The following POLR3E variants were observed in gnomAD, a reference collection of about 807,000 sequenced individuals.
The protein encoded by POLR3E is DNA-directed RNA polymerase III subunit RPC5.
POLR3E carries 41 observed loss-of-function variants against 96.6 expected under a neutral mutation model. The ratio of observed to expected loss-of-function variants is 0.42; its 90% confidence interval spans 0.33 to 0.55. The LOEUF (loss-of-function observed/expected upper bound fraction) is 0.55. Ranked by LOEUF, POLR3E falls within the 20% of genes least tolerant of loss-of-function variation. POLR3E has a pLI of 0.06. For missense variants in POLR3E, 849 were observed against 952.1 expected (o/e 0.89, Z 1.43); for synonymous variants, 396 against 383.6 (o/e 1.03, Z -0.38).
Position 22,308,130 on chromosome 16 carries a change from C to G in POLR3E, c.88-18C>G. On this transcript the variant is annotated intron_variant, in intron 3 of 20. Coordinates refer to ENST00000299853, the MANE Select transcript of POLR3E (RefSeq NM_018119.4). Reference sequence around the variant, plus strand: ...TGGCTGGGCAGAGTGGACTTAATGGCTCCCTTCCCCTCCCCAGTACCCTGT... The same window carrying G: ...TGGCTGGGCAGAGTGGACTTAATGGGTCCCTTCCCCTCCCCAGTACCCTGT... The G allele has an allele frequency of 2.5e-6, 4 of 1,601,108 alleles. No homozygotes were observed. Among genetic ancestry groups the G allele is most frequent in the Non-Finnish European group, 2.6e-6 (3 of 1,168,284 alleles).
rs776186132 is a variant in POLR3E at position 22,309,051 on chromosome 16, G to C, written c.281+11G>C. 6.3e-7 allele frequency: 1 copy of C among 1,591,128 alleles called. No homozygotes were observed. The highest frequency in any genetic ancestry group is 1.1e-5 in the South Asian group (1 of 90,462). On this transcript the variant is annotated intron_variant, in intron 5 of 20. Transcript: ENST00000299853. ...CAGCACGTATTCCTCGTGAGTTTCC[G>C]GCCCCAAGCCTGTCCGGTTTCCCTG...
intron 3 of POLR3E, among the ~76,000 whole-genome samples, chr16:22,305,780 T>C (rs1025382031): frequency 1.3e-5 from 2 of 152,176 alleles, no homozygotes; most frequent in African/African-American, 4.8e-5. Context: ...CAGCTTGTCA[T>C]TGTGGCCAAC....
At position 22,309,017 on chromosome 16, in the gene POLR3E, C is replaced by T. The variant is rs748260416; in HGVS notation, c.258C>T (p.Ala86=). ...QIALNVDGAC[A]DETSTYSSKL... ...CGCTGAACGTGGACGGGGCCTGCGCCGACGAGACCAGCACGTATTCCTCGT... is the reference window on the plus strand; with the variant it reads ...CGCTGAACGTGGACGGGGCCTGCGCTGACGAGACCAGCACGTATTCCTCGT... Residue 86 remains alanine, a synonymous_variant, in exon 5 of 21, where the codon GCC becomes GCT. Transcript: ENST00000299853. The T allele has an allele frequency of 1.8e-5, 29 of 1,613,112 alleles. No individual in the cohort carries two copies. Among genetic ancestry groups the T allele is most frequent in the Non-Finnish European group, 2.1e-5 (25 of 1,179,252 alleles).
chr16:22,321,749 C>T (rs1220743304), intron 13 of POLR3E, among the ~76,000 whole-genome samples: 2 of 152,214 alleles, frequency 1.3e-5, no homozygotes, highest in African/African-American at 2.4e-5. Flanking sequence ...CTTTTAGTTT[C>T]GCCCTGTCCT....
chr16:22,319,620 C>T (rs2048430520), intron 13 of POLR3E, among the ~76,000 whole-genome samples: 1 of 152,066 alleles, frequency 6.6e-6, no homozygotes, highest in African/African-American at 2.4e-5. Flanking sequence ...AAGATGGTCT[C>T]CATCTCCTGA....
chr16:22,297,563 A>C lies in POLR3E; in HGVS notation c.-39+26A>C, dbSNP rs2305968. ...GTGAGTCCCGTCTTGGCAGTGCCCG[A>C]GCTGGGGCTTGAGCCGGACCGCACT... On this transcript the variant is annotated intron_variant, in intron 1 of 20. Transcript: ENST00000299853. 1.4e-3 allele frequency: 216 copies of C among 152,462 alleles called. 2 individuals are homozygous for C. The East Asian group carries it at 0.034, about 24-fold the overall frequency. The allele number at this position is 152,462 out of a possible 1,614,324, so 9.4% of individuals were successfully genotyped here. A position where few individuals can be genotyped will look rare whatever the true frequency, so the allele number is the denominator to read the frequency against.
At chr16:22,312,096 G>T (rs1248929072) in intron 6 of POLR3E, among the ~76,000 whole-genome samples, 1 of 152,204 alleles carries the variant, frequency 6.6e-6, no homozygotes, top group Non-Finnish European at 1.5e-5. Context: ...GGCTACCAGG[G>T]ACTAGTGGGA....
At chr16:22,316,957 A>G (rs769379146) in intron 10 of POLR3E, 38 bp from the exon 11 acceptor site, 1 of 1,611,092 alleles carries the variant, frequency 6.2e-7, no homozygotes, top group Admixed American at 1.7e-5. Context: ...TCCAGCCTGG[A>G]TCAGCCCTGA....
chr16:22,300,579 C>T (rs1285149508), intron 1 of POLR3E, among the ~76,000 whole-genome samples: 2 of 152,224 alleles, frequency 1.3e-5, no homozygotes, highest in African/African-American at 4.8e-5. Context: ...AAGGCAGGAG[C>T]TTGACATATC....
At chr16:22,315,599 G>A (rs1462191262) in intron 9 of POLR3E, among the ~76,000 whole-genome samples, 1 of 152,170 alleles carries the variant, frequency 6.6e-6, no homozygotes, top group Non-Finnish European at 1.5e-5. Context: ...AGCACCACCT[G>A]CCCAGGGGAT....
chr16:22,307,833 T>C (rs1360394690), intron 3 of POLR3E, among the ~76,000 whole-genome samples: 4 of 152,136 alleles, frequency 2.6e-5, no homozygotes, highest in Admixed American at 2.6e-4. Context: ...TCACCTCCCA[T>C]GGCCGTGCTC....
At chr16:22,298,938 G>A (rs758527678) in intron 1 of POLR3E, 4 of 455,624 alleles carry the variant, frequency 8.8e-6, no homozygotes, top group South Asian at 6.2e-5. Context: ...AAGTATGATT[G>A]TCTGCATTTC....
intron 19 of POLR3E, 49 bp from the exon 20 acceptor site, chr16:22,332,011 C>T (rs760021749): frequency 7.5e-6 from 12 of 1,590,598 alleles, no homozygotes; most frequent in Non-Finnish European, 8.6e-6. Flanking sequence ...GGGGATGTTT[C>T]TCTTTTTAGA....
Position 22,313,761 on chromosome 16 carries a change from T to C in POLR3E, c.472+34T>C, listed in dbSNP as rs756243293. The C allele has an allele frequency of 2.8e-6, 4 of 1,418,446 alleles. No homozygotes were observed. In the Admixed American group the frequency reaches 6.7e-5, roughly 24 times the overall value. The allele number at this position is 1,418,446 out of a possible 1,614,324, so 87.9% of individuals were successfully genotyped here. A position where few individuals can be genotyped will look rare whatever the true frequency, so the allele number is the denominator to read the frequency against. Reference sequence around the variant, plus strand: ...GGGATCCCCAGCCCTGCTGCCTGCCTGCCTTCATCCTGGTGGGATGGCTTG... The same window carrying C: ...GGGATCCCCAGCCCTGCTGCCTGCCCGCCTTCATCCTGGTGGGATGGCTTG... On this transcript the variant is annotated intron_variant, in intron 7 of 20. Transcript: ENST00000299853. This position sits in a 1 kb window ranked among gnomAD's most constrained non-coding sequence, Gnocchi z 4.1.
At chr16:22,298,380 ATGT>A (rs1481205147) in intron 1 of POLR3E, among the ~76,000 whole-genome samples, 1 of 152,192 alleles carries the variant, frequency 6.6e-6, no homozygotes, top group Non-Finnish European at 1.5e-5. Context: ...GGCAGAAAAC[ATGT>A]TGTCAAGTAA....
intron 18 of POLR3E, 34 bp downstream of exon 18, chr16:22,326,312 G>A (rs1370985792): frequency 2.7e-5 from 13 of 473,134 alleles, no homozygotes; most frequent in East Asian, 6.9e-5. Flanking sequence ...GGGCATGGGG[G>A]GTGGGGGGTG....
chr16:22,315,163 G>A lies in POLR3E; in HGVS notation c.597G>A (p.Lys199=). 3.7e-6 allele frequency: 6 copies of A among 1,609,352 alleles called. No individual in the cohort carries two copies. The highest frequency in any genetic ancestry group is 5.1e-6 in the Non-Finnish European group (6 of 1,177,838). The change falls in exon 9 of 21, where the codon AAG becomes AAA. Residue 199 remains lysine, a synonymous_variant. Coordinates refer to ENST00000299853, the MANE Select transcript of POLR3E (RefSeq NM_018119.4). The part of the protein sequence containing the change: ...RVQSYEFLQK[K]HAEEPWVHLH... ...AGTCCTATGAGTTCCTGCAGAAGAA[G>A]CACGCAGAGGAGCCCTGGGTCCACC...
intron 19 of POLR3E, 100 bp from the exon 20 acceptor site, chr16:22,331,960 C>A: frequency 8.1e-7 from 1 of 1,231,852 alleles, no homozygotes; most frequent in Non-Finnish European, 1.2e-6. Flanking sequence ...TTATCAGAGA[C>A]TGCAACACAA....
Position 22,324,669 on chromosome 16 carries a change from C to T in POLR3E, c.1286+9C>T. On this transcript the variant is annotated intron_variant, in intron 16 of 20. Coordinates refer to ENST00000299853, the MANE Select transcript of POLR3E (RefSeq NM_018119.4). Reference sequence around the variant, plus strand: ...ACGGGTATCCAGGCCAAGTAAGCACCCTGGGCCAGGGAGGGGCAGCCCGGT... The same window carrying T: ...ACGGGTATCCAGGCCAAGTAAGCACTCTGGGCCAGGGAGGGGCAGCCCGGT... 1.9e-6 allele frequency: 3 copies of T among 1,613,670 alleles called. No homozygotes were observed. Among genetic ancestry groups the T allele is most frequent in the Non-Finnish European group, 2.5e-6 (3 of 1,179,846 alleles).
Sources: gnomAD v4.1 joint callset for allele counts (sites outside exome capture counted in the v4.1 genomes callset) on GRCh38, gnomAD v4.1.1 for gene constraint, Gnocchi (gnomAD v3.1) non-coding constraint, MANE v1.5 for transcripts, NCBI Gene and HGNC (gene_info 2026-07-23, HGNC 2026-07-21) for gene names.